ARID1B: variants seen among roughly 807,000 people sequenced by gnomAD.
The protein encoded by ARID1B is AT-rich interaction domain 1B.
Under a neutral mutation model 212.3 loss-of-function variants are expected in ARID1B, and 30 were observed. The observed-to-expected ratio is 0.14, with a 90% confidence interval of 0.11 to 0.19. The LOEUF is 0.19. Among genes scored for constraint, ARID1B ranks in the 10% least tolerant of loss-of-function variants. ARID1B has a pLI of 1.00. For missense variants in ARID1B, 2,891 were observed against 3,204.0 expected (o/e 0.90, Z 2.36); for synonymous variants, 1,402 against 1,301.7 (o/e 1.08, Z -1.66).
intron 4 of ARID1B, among the ~76,000 whole-genome samples, chr6:157,061,339 A>G (rs1783330586): frequency 6.6e-6 from 1 of 152,238 alleles, no homozygotes; most frequent in Admixed American, 6.5e-5. Flanking sequence ...AGATAGAGTT[A>G]CATTACTTAT....
intron 3 of ARID1B, among the ~76,000 whole-genome samples, chr6:156,912,363 C>T (rs1789966719): frequency 6.6e-6 from 1 of 151,732 alleles, no homozygotes; most frequent in Non-Finnish European, 1.5e-5. Context: ...CCTCACGCTC[C>T]TGCATGTACT....
At position 157,184,244 on chromosome 6, in the gene ARID1B, A is replaced by G. The variant is rs2128324722; in HGVS notation, c.3728A>G (p.Lys1243Arg). Residue 1243 changes from lysine (K) to arginine (R), a missense_variant, in exon 13 of 20, where the codon AAG (lysine) becomes AGG (arginine). Physicochemically the swap from Lys to Arg is conservative, Grantham distance 26 (BLOSUM62 2). This residue lies in a region of ARID1B where 666 missense variants were observed against 873.5 expected (regional missense o/e 0.76). Transcript: ENST00000636930. ...GTTTTTCACTAGGTTAATAAAAACA[A>G]GAAGTGGCGTGAGCTGGCAACCAAC... ...IGGLAQVNKN[K>R]KWRELATNLN... 1 of 1,605,500 alleles carries G rather than the reference A, an allele frequency of 6.2e-7. No individual in the cohort carries two copies. Among genetic ancestry groups the G allele is most frequent in the Non-Finnish European group, 8.5e-7 (1 of 1,173,902 alleles).
At chr6:156,942,167 A>C (rs75005938) in intron 4 of ARID1B, 1 of 152,258 alleles carries the variant, frequency 6.6e-6, no homozygotes, top group Non-Finnish European at 1.5e-5. Context: ...CTATAAAAAA[A>C]TAGACACTAG....
intron 2 of ARID1B, chr6:156,870,033 A>G (rs1785999609): frequency 6.6e-6 from 1 of 152,258 alleles, no homozygotes; most frequent in Admixed American, 6.5e-5. Flanking sequence ...GGGGAGGGCA[A>G]GCAGTTGAGA....
At chr6:157,104,084 C>T (rs998414830) in intron 5 of ARID1B, among the ~76,000 whole-genome samples, 3 of 152,168 alleles carry the variant, frequency 2.0e-5, no homozygotes, top group African/African-American at 4.8e-5. Context: ...ATCCACCCGC[C>T]TTGGCCTCCC....
At chr6:157,039,869 T>TTC (rs1562569981) in intron 4 of ARID1B, among the ~76,000 whole-genome samples, 39 of 114,890 alleles carry the variant, frequency 3.4e-4, no homozygotes, top group Non-Finnish European at 6.1e-4. Flanking sequence ...TCTCTCTCTT[T>TTC]CTCTTTCTTT....
intron 1 of ARID1B, among the ~76,000 whole-genome samples, chr6:156,792,346 G>A (rs1324078154): frequency 2.0e-5 from 3 of 152,164 alleles, no homozygotes; most frequent in African/African-American, 7.2e-5. Context: ...TTCAACACCT[G>A]TAATCCTAGC....
intron 4 of ARID1B, among the ~76,000 whole-genome samples, chr6:156,990,459 G>A (rs904453675): frequency 6.6e-6 from 1 of 152,046 alleles, no homozygotes; most frequent in Admixed American, 6.6e-5. Flanking sequence ...TGGCCATCAT[G>A]GTGAAACCCC....
At chr6:157,107,364 T>A (rs1368215938) in intron 5 of ARID1B, among the ~76,000 whole-genome samples, 3 of 152,172 alleles carry the variant, frequency 2.0e-5, no homozygotes, top group Admixed American at 2.0e-4. Context: ...GTATTATGGT[T>A]ATATAAGATG....
chr6:157,116,775 T>C (rs925894073), intron 6 of ARID1B, among the ~76,000 whole-genome samples: 38 of 151,938 alleles, frequency 2.5e-4, no homozygotes, highest in African/African-American at 8.9e-4. Flanking sequence ...CCCCCAACCT[T>C]CATTTCTGCC....
At chr6:156,813,403 G>A (rs1781753111) in intron 1 of ARID1B, among the ~76,000 whole-genome samples, 1 of 151,578 alleles carries the variant, frequency 6.6e-6, no homozygotes, top group African/African-American at 2.4e-5. Context: ...GCGAGCCATT[G>A]CGCTCAGGCT....
At chr6:157,033,842 C>A (rs182618481) in intron 4 of ARID1B, among the ~76,000 whole-genome samples, 1 of 152,242 alleles carries the variant, frequency 6.6e-6, no homozygotes, top group East Asian at 1.9e-4. Context: ...ATGGAAAGGG[C>A]CTTGTCTTTG....
chr6:156,811,814 C>T (rs1781570159), intron 1 of ARID1B, among the ~76,000 whole-genome samples: 1 of 152,182 alleles, frequency 6.6e-6, no homozygotes, highest in Admixed American at 6.5e-5. Context: ...GGACACAATT[C>T]ATTCTGTAGC....
At chr6:156,886,856 C>T (rs1787550099) in intron 2 of ARID1B, among the ~76,000 whole-genome samples, 1 of 152,106 alleles carries the variant, frequency 6.6e-6, no homozygotes, top group Non-Finnish European at 1.5e-5. Flanking sequence ...GGACTGTGTA[C>T]TGGATATATT....
chr6:157,068,758 G>A (rs963223749), intron 4 of ARID1B, among the ~76,000 whole-genome samples: 5 of 152,144 alleles, frequency 3.3e-5, no homozygotes, highest in Admixed American at 6.5e-5. Context: ...TCTCACACAC[G>A]TGCGTACACA....
At chr6:157,180,947 A>G in intron 11 of ARID1B, 22 bp from the exon 12 acceptor site, 2 of 1,603,386 alleles carry the variant, frequency 1.2e-6, no homozygotes, top group African/African-American at 1.3e-5. Context: ...CCCCACCTCC[A>G]CATGCTGCTT....
At chr6:156,847,054 C>A (rs959138957) in intron 2 of ARID1B, among the ~76,000 whole-genome samples, 4 of 151,964 alleles carry the variant, frequency 2.6e-5, no homozygotes, top group Non-Finnish European at 5.9e-5. Flanking sequence ...GTTTTTATTT[C>A]TTTACTGTCA....
chr6:156,916,845 G>A (rs1218896970), intron 3 of ARID1B, among the ~76,000 whole-genome samples: 1 of 152,108 alleles, frequency 6.6e-6, no homozygotes, highest in Non-Finnish European at 1.5e-5. Context: ...CATTTCTCCA[G>A]GAACCTTCAC....
At chr6:156,897,212 G>GCTTCTTCTTCTTCTTCTTCTT (rs1259415755) in intron 2 of ARID1B, among the ~76,000 whole-genome samples, 1 of 70,010 alleles carries the variant, frequency 1.4e-5, no homozygotes, top group Non-Finnish European at 3.4e-5. Flanking sequence ...TGCTGCTGCT[G>GCTTCTTCTTCTTCTTCTTCTT]CTGCTGCTTC....
Sources: gnomAD v4.1 joint callset for allele counts (sites outside exome capture counted in the v4.1 genomes callset) on GRCh38, gnomAD v4.1.1 for gene constraint, gnomAD v4.1.1 regional missense constraint, MANE v1.5 for transcripts, NCBI Gene and HGNC (gene_info 2026-07-23, HGNC 2026-07-21) for gene names.